SYNE2: variants seen among roughly 807,000 people sequenced by gnomAD.
SYNE2 encodes spectrin repeat containing nuclear envelope protein 2, also known as nesprin-2.
A neutral mutation model predicts 856.3 loss-of-function variants in SYNE2; 431 were observed. The ratio of observed to expected loss-of-function variants is 0.50; its 90% CI spans 0.47 to 0.55. The LOEUF is 0.55. SYNE2 is among the 20% of genes least tolerant of loss of function. The pLI is 0.00. For missense variants in SYNE2, 8,129 were observed against 8,023.2 expected, an observed-to-expected ratio of 1.01 and a Z score of -0.50; for synonymous variants, 2,923 against 2,872.3, an observed-to-expected ratio of 1.02 and a Z score of -0.56.
At chr14:63,858,074 GAGAA>G (rs1892345943) in intron 1 of SYNE2, among the ~76,000 whole-genome samples, 1 of 151,796 alleles carries the variant, frequency 6.6e-6, no homozygotes, top group Non-Finnish European at 1.5e-5. Context: ...AAGAGAGGGT[GAGAA>G]AGAAGCAAAA....
At chr14:64,037,737 C>T (rs1187052470) in intron 45 of SYNE2, among the ~76,000 whole-genome samples, 1 of 17,060 alleles carries the variant, frequency 5.9e-5, no homozygotes, top group African/African-American at 1.0e-4. Flanking sequence ...ACCTCCCTCC[C>T]GGACGGGGCG....
intron 84 of SYNE2, among the ~76,000 whole-genome samples, chr14:64,147,320 G>C (rs1479973777): frequency 6.6e-6 from 1 of 152,086 alleles, no homozygotes; most frequent in African/African-American, 2.4e-5. Context: ...ATTTCCTTCT[G>C]ATTCATTCTC....
intron 111 of SYNE2, 111 bp downstream of exon 111, chr14:64,220,748 G>GCAC: frequency 1.6e-6 from 2 of 1,282,484 alleles, no homozygotes; most frequent in Middle Eastern, 2.6e-4. Flanking sequence ...AAATGTGGCT[G>GCAC]GTGTCAGGAA....
At chr14:63,830,529 CG>C (rs1210984012) in intron 1 of SYNE2, among the ~76,000 whole-genome samples, 1 of 151,550 alleles carries the variant, frequency 6.6e-6, no homozygotes, top group Non-Finnish European at 1.5e-5. Context: ...GGAGTGGTGG[CG>C]TGTACCTATG....
intron 94 of SYNE2, among the ~76,000 whole-genome samples, chr14:64,172,226 C>T (rs2098414651): frequency 6.6e-6 from 1 of 152,180 alleles, no homozygotes; most frequent in Admixed American, 6.5e-5. Flanking sequence ...CCTAACATCT[C>T]ACTTACCTAT....
Position 64,208,929 on chromosome 14 carries a change from A to G in SYNE2, c.18373A>G (p.Met6125Val), listed in dbSNP as rs1172995944. ...CTGGAGGAACATTTGTGCCATGTCC[A>G]TGGAGCGGCGCATGAAGTAAGAACT... is the stretch of plus-strand genomic sequence containing the variant. ...RRWRNICAMS[M>V]ERRMKIEETW... Residue 6125 changes from methionine to valine, a missense_variant, in exon 101 of 116, where the codon ATG becomes GTG. Transcript: ENST00000555002. The G allele has an allele frequency of 1.9e-6, 3 of 1,613,944 alleles. No individual in the cohort carries two copies. Among genetic ancestry groups the G allele is most frequent in the South Asian group, 2.2e-5 (2 of 91,066 alleles).
intron 1 of SYNE2, among the ~76,000 whole-genome samples, chr14:63,872,492 AC>A (rs1023817788): frequency 1.3e-5 from 2 of 151,852 alleles, no homozygotes; most frequent in African/African-American, 4.8e-5. Context: ...ATGGTGGCTC[AC>A]ACCTATAATC....
At chr14:64,140,486 G>A in intron 80 of SYNE2, among the ~76,000 whole-genome samples, 1 of 152,204 alleles carries the variant, frequency 6.6e-6, no homozygotes, top group East Asian at 1.9e-4. Flanking sequence ...GGAGGCTGAG[G>A]CAGGAGAATC....
chr14:64,158,241 A>T (rs1473674514), intron 85 of SYNE2, among the ~76,000 whole-genome samples: 1 of 152,180 alleles, frequency 6.6e-6, no homozygotes, highest in African/African-American at 2.4e-5. Flanking sequence ...TTCAATTATT[A>T]TCTCTGTTTT....
At chr14:64,027,333 T>C (rs2096988582) in intron 42 of SYNE2, 151 bp from the exon 43 acceptor site, 3 of 546,414 alleles carry the variant, frequency 5.5e-6, no homozygotes, top group Non-Finnish European at 9.5e-6. Context: ...AACAGTGTTA[T>C]TTACAGTGTT....
chr14:63,938,176 G>C (rs1041550894), intron 2 of SYNE2, among the ~76,000 whole-genome samples: 1 of 152,164 alleles, frequency 6.6e-6, no homozygotes, highest in East Asian at 1.9e-4. Context: ...CAAGAATAAG[G>C]CCAGGTGTGA....
intron 95 of SYNE2, 83 bp from the exon 96 acceptor site, chr14:64,177,275 T>C: frequency 2.0e-6 from 3 of 1,531,718 alleles, no homozygotes; most frequent in African/African-American, 1.4e-5. Context: ...AGAAAGATTA[T>C]GTGGATTAAA....
At chr14:64,155,625 A>C (rs2098279816) in intron 85 of SYNE2, among the ~76,000 whole-genome samples, 1 of 151,996 alleles carries the variant, frequency 6.6e-6, no homozygotes, top group African/African-American at 2.4e-5. Context: ...TCCATCTATA[A>C]GCTGTCAAGA....
At position 64,074,844 on chromosome 14, in the gene SYNE2, G is replaced by A. The variant is rs115326199; in HGVS notation, c.10866+708G>A. On this transcript the variant is annotated intron_variant, in intron 53 of 115. Coordinates refer to ENST00000555002, the MANE Select transcript of SYNE2 (RefSeq NM_182914.3). Reference sequence around the variant, plus strand: ...CAGTAGGTGGTGGTTGTAGTAAGCCGAGATCGTGCCGCTGCAATCCAGCCT... The same window carrying A: ...CAGTAGGTGGTGGTTGTAGTAAGCCAAGATCGTGCCGCTGCAATCCAGCCT... Among the ~76,000 whole-genome samples the A allele has an allele frequency of 6.8e-3, 1,030 of 151,298 alleles. 17 individuals are homozygous for A. Among genetic ancestry groups the A allele is most frequent in the African/African-American group, 0.024 (1,001 of 41,310 alleles).
chr14:64,081,543 C>T lies in SYNE2; in HGVS notation c.11447C>T (p.Ser3816Phe), dbSNP rs747354504. 4.3e-6 allele frequency: 7 copies of T among 1,614,176 alleles called. No homozygotes were observed. The highest frequency in any genetic ancestry group is 1.7e-4 in the Middle Eastern group (1 of 6,056). Residue 3816 changes from serine to phenylalanine, a missense_variant, in exon 57 of 116, where the codon TCT becomes TTT. Around this residue, in one of 3 missense-constraint regions of SYNE2, gnomAD observed 5,410 missense variants for 5,284.8 expected, o/e 1.02. Coordinates refer to ENST00000555002, the MANE Select transcript of SYNE2 (RefSeq NM_182914.3). The stretch of plus-strand genomic sequence containing the variant: ...CTGGCCAATCCTGCTGACTATGACT[C>T]TTTGAGGACACTGAGTCACCATGCT... ...HLLANPADYD[S>F]LRTLSHHAST...
At chr14:63,925,438 G>C (rs927429090) in intron 2 of SYNE2, among the ~76,000 whole-genome samples, 1 of 152,156 alleles carries the variant, frequency 6.6e-6, no homozygotes, top group African/African-American at 2.4e-5. Flanking sequence ...TTTTGAGATA[G>C]ACATGCAATG....
intron 94 of SYNE2, 43 bp downstream of exon 94, chr14:64,170,505 A>G (rs748301656): frequency 6.5e-7 from 1 of 1,539,080 alleles, no homozygotes; most frequent in Non-Finnish European, 8.9e-7. Flanking sequence ...CAGGGTGGTC[A>G]TTGTTTGCAA....
rs999859130 is a variant in SYNE2, at chr14:64,062,500, TA to T, written c.10068-239del. On this transcript the variant is annotated intron_variant, in intron 49 of 115. Transcript: ENST00000555002. ...GTTTTCATTTTACTGAAGTGAACTT[TA>T]AAAAAAAAAAATCTTCATTTTAGAG... Among the ~76,000 whole-genome samples the T allele has an allele frequency of 5.2e-4, 77 of 147,626 alleles. 1 individual carries two copies. Among genetic ancestry groups the T allele is most frequent in the Middle Eastern group, 7.1e-3 (2 of 282 alleles).
At position 64,000,642 on chromosome 14, in the gene SYNE2, A is replaced by T. The variant is rs746763830; in HGVS notation, c.3561A>T (p.Ile1187=). Residue 1187 remains isoleucine, a synonymous_variant, in exon 28 of 116, where the codon ATA becomes ATT. Coordinates refer to ENST00000555002, the MANE Select transcript of SYNE2 (RefSeq NM_182914.3). The part of the protein sequence containing the change: ...SLKLENHVND[I]KKPFVIKERD... Reference sequence around the variant, plus strand: ...AGTTAGAAAATCATGTGAATGACATAAAAAAGCCTTTTGTAATTAAGGAAA... The same window carrying T: ...AGTTAGAAAATCATGTGAATGACATTAAAAAGCCTTTTGTAATTAAGGAAA... 2 of 1,613,462 alleles carry T rather than the reference A, an allele frequency of 1.2e-6. No homozygotes were observed. The highest frequency in any genetic ancestry group is 4.5e-5 in the East Asian group (2 of 44,798).
Sources: allele counts gnomAD v4.1 joint callset (sites outside exome capture counted in the v4.1 genomes callset), GRCh38; gene constraint gnomAD v4.1.1; regional missense constraint gnomAD v4.1.1; transcripts MANE v1.5; gene names NCBI Gene and HGNC (gene_info 2026-07-23, HGNC 2026-07-21).